The following EPHX2 variants were observed in gnomAD, a reference collection of about 807,000 sequenced individuals.
EPHX2 encodes epoxide hydrolase 2.
A neutral mutation model predicts 78.7 loss-of-function variants in EPHX2; 74 were observed. The ratio of observed to expected loss-of-function variants is 0.94; its 90% CI spans 0.78 to 1.14. The LOEUF (loss-of-function observed/expected upper bound fraction) is 1.14. Among genes scored for constraint, EPHX2 ranks in the 50% most tolerant of loss-of-function variants. The pLI, the probability that EPHX2 is intolerant of heterozygous loss-of-function variation, is 0.00. For missense variants in EPHX2, 715 were observed against 702.5 expected, an observed-to-expected ratio of 1.02 and a Z score of -0.20; for synonymous variants, 251 against 255.2, an observed-to-expected ratio of 0.98 and a Z score of 0.16.
downstream of EPHX2, among the ~76,000 whole-genome samples, chr8:27,547,705 C>T (rs1815598483): frequency 6.6e-6 from 1 of 152,192 alleles, no homozygotes; most frequent in Non-Finnish European, 1.5e-5. Flanking sequence ...TATCCCCCAC[C>T]TCTTCCCCAA....
At chr8:27,522,402 C>G in intron 10 of EPHX2, 21 bp from the exon 11 acceptor site, 357 of 1,534,558 alleles carry the variant, frequency 2.3e-4, no homozygotes, top group Non-Finnish European at 2.8e-4. Flanking sequence ...ACATTCGGCT[C>G]CCTTCTTTTT....
chr8:27,524,580 C>T (rs571519478), intron 11 of EPHX2, among the ~76,000 whole-genome samples: 88 of 152,338 alleles, frequency 5.8e-4, no homozygotes, highest in African/African-American at 2.0e-3. Context: ...CTTCTAGCCA[C>T]GCAGACTGTG....
chr8:27,544,219 T>C lies in EPHX2; in HGVS notation c.1564T>C (p.Cys522Arg), dbSNP rs756811380. 1.9e-6 allele frequency: 3 copies of C among 1,614,214 alleles called. No individual in the cohort carries two copies. Among genetic ancestry groups the C allele is most frequent in the South Asian group, 2.2e-5 (2 of 91,084 alleles). Residue 522 changes from cysteine (C) to arginine (R), a missense_variant, in exon 18 of 19, where the codon TGT becomes CGT. Transcript: ENST00000521400. ...CCTGAAAAGGGGACACATTGAGGAC[T>C]GTGGGCACTGGACACAGATGGACAA... is the stretch of plus-strand genomic sequence containing the variant. ...PHLKRGHIED[C>R]GHWTQMDKPT...
At chr8:27,491,793 A>G (rs1282739196) in intron 1 of EPHX2, among the ~76,000 whole-genome samples, 1 of 152,188 alleles carries the variant, frequency 6.6e-6, no homozygotes, top group Non-Finnish European at 1.5e-5. Flanking sequence ...TACTACATGA[A>G]AAAACCACCC....
At chr8:27,514,214 G>A (rs1814366244) in intron 6 of EPHX2, among the ~76,000 whole-genome samples, 1 of 152,036 alleles carries the variant, frequency 6.6e-6, no homozygotes, top group South Asian at 2.1e-4. Flanking sequence ...GACTGAGGTG[G>A]GAGGATCGCT....
rs147798306 is a variant in EPHX2 at position 27,506,971 on chromosome 8, C to G, written c.637C>G (p.Leu213Val). The G allele has an allele frequency of 5.1e-5, 82 of 1,613,766 alleles. No homozygotes were observed. Among genetic ancestry groups the G allele is most frequent in the Non-Finnish European group, 8.5e-6 (10 of 1,179,982 alleles). Residue 213 changes from leucine to valine, a missense_variant, in exon 5 of 19, where the codon CTG becomes GTG. By Grantham distance (32) the Leu-to-Val change is conservative (BLOSUM62 1). Coordinates refer to ENST00000521400, the MANE Select transcript of EPHX2 (RefSeq NM_001979.6). ...VQDTDTALKE[L>V]EKVTGIQLLN... is the part of the protein sequence containing the mutation. ...GGACACTGACACGGCCCTGAAAGAACTGGAGAAAGTGACCGGAATCCAGGT... is the reference window on the plus strand; with the variant it reads ...GGACACTGACACGGCCCTGAAAGAAGTGGAGAAAGTGACCGGAATCCAGGT...
intron 5 of EPHX2, among the ~76,000 whole-genome samples, chr8:27,508,769 C>T (rs557652808): frequency 2.3e-4 from 35 of 151,958 alleles, no homozygotes; most frequent in Admixed American, 9.8e-4. Flanking sequence ...TGTGTGTGCG[C>T]GCACGCACGT....
At chr8:27,524,497 C>A (rs1318359770) in intron 11 of EPHX2, among the ~76,000 whole-genome samples, 1 of 152,192 alleles carries the variant, frequency 6.6e-6, no homozygotes, top group Non-Finnish European at 1.5e-5. Flanking sequence ...AATTCAGACT[C>A]AGGTCCCTTC....
chr8:27,511,941 G>A (rs776627343), intron 6 of EPHX2, 31 bp downstream of exon 6: 3 of 1,609,334 alleles, frequency 1.9e-6, no homozygotes, highest in East Asian at 2.2e-5. Flanking sequence ...AGTCGGCTAA[G>A]TGCTCTCCCA....
In EPHX2 at chr8:27,540,660, A is replaced by G. The variant is rs758933735; in HGVS notation, c.1379+4A>G. On this transcript the variant is annotated splice_donor_region_variant and intron_variant, in intron 15 of 18. Coordinates refer to ENST00000521400, the MANE Select transcript of EPHX2 (RefSeq NM_001979.6). ...AGTTCAAGAAGTCTGGTTTCAGGTA[A>G]AGAGAGCACAGGGCCCAGACACAGA... The G allele has an allele frequency of 6.2e-7, 1 of 1,613,182 alleles. No individual in the cohort carries two copies. The highest frequency in any genetic ancestry group is 8.5e-7 in the Non-Finnish European group (1 of 1,179,184).
At chr8:27,532,799 C>T (rs138793573) in intron 12 of EPHX2, among the ~76,000 whole-genome samples, 131 of 152,200 alleles carry the variant, frequency 8.6e-4, no homozygotes, top group African/African-American at 3.1e-3. Flanking sequence ...TTTAAAGAAC[C>T]CTAATTAGAT....
rs1468468408 is a variant in EPHX2 at position 27,507,000 on chromosome 8, T to C, written c.660+6T>C. The C allele has an allele frequency of 1.2e-6, 2 of 1,613,206 alleles. No homozygotes were observed. The highest frequency in any genetic ancestry group is 1.7e-6 in the Non-Finnish European group (2 of 1,179,768). ...AGAAAGTGACCGGAATCCAGGTAAC[T>C]TGACTTCTGAGCGAGCCAAGCTTCC... On this transcript the variant is annotated splice_donor_region_variant and intron_variant, in intron 5 of 18. Coordinates refer to ENST00000521400, the MANE Select transcript of EPHX2 (RefSeq NM_001979.6).
At chr8:27,506,822 C>G (rs767477898) in intron 4 of EPHX2, 50 bp from the exon 5 acceptor site, 1 of 1,591,108 alleles carries the variant, frequency 6.3e-7, no homozygotes, top group Admixed American at 1.8e-5. Context: ...CCCCTGTTTG[C>G]ATTCTGGTGA....
In EPHX2 at chr8:27,511,895, G is replaced by C. The variant is rs749968167; in HGVS notation, c.720G>C (p.Gly240=). 5 of 1,613,982 alleles carry C rather than the reference G, an allele frequency of 3.1e-6. No individual in the cohort carries two copies. The African/African-American group carries it at 6.7e-5, about 22-fold the overall frequency. Residue 240 remains glycine (G), a synonymous_variant, in exon 6 of 19, where the codon GGG becomes GGC. Transcript: ENST00000521400. The stretch of plus-strand genomic sequence containing the variant: ...GCAATCCAAGTGACATGAGCCATGG[G>C]TACGTGACAGTAAAGGTGAGTCAGT... The part of the protein sequence containing the change: ...TSCNPSDMSH[G]YVTVKPRVRL...
chr8:27,539,731 G>T (rs1199556592), intron 14 of EPHX2, among the ~76,000 whole-genome samples: 1 of 152,256 alleles, frequency 6.6e-6, no homozygotes, highest in African/African-American at 2.4e-5. Context: ...CAGCTGGGAT[G>T]CTCGCAGAGG....
intron 12 of EPHX2, among the ~76,000 whole-genome samples, chr8:27,530,117 G>A (rs60141717): frequency 0.017 from 2,592 of 149,852 alleles, 78 homozygotes; most frequent in African/African-American, 0.061. Context: ...AAGTCCTGGC[G>A]TCAAGTGATC....
At chr8:27,531,915 G>T (rs766582675) in intron 12 of EPHX2, among the ~76,000 whole-genome samples, 5 of 152,140 alleles carry the variant, frequency 3.3e-5, no homozygotes, top group Non-Finnish European at 5.9e-5. Context: ...GCACCTCCCT[G>T]GCAAATTAGG....
At chr8:27,502,385 T>C (rs1392459123) in intron 2 of EPHX2, among the ~76,000 whole-genome samples, 2 of 152,232 alleles carry the variant, frequency 1.3e-5, no homozygotes, top group African/African-American at 2.4e-5. Flanking sequence ...CAAATAGTGC[T>C]GCTATGATGA....
At chr8:27,535,653 C>G (rs541151379) in intron 12 of EPHX2, among the ~76,000 whole-genome samples, 2 of 152,168 alleles carry the variant, frequency 1.3e-5, no homozygotes, top group Non-Finnish European at 2.9e-5. Context: ...AGGCTACCCC[C>G]ACTAGGAGAG....
Sources: gnomAD v4.1 joint callset for allele counts (sites outside exome capture counted in the v4.1 genomes callset) on GRCh38, gnomAD v4.1.1 for gene constraint, MANE v1.5 for transcripts, NCBI Gene and HGNC (gene_info 2026-07-23, HGNC 2026-07-21) for gene names.